Variants in ELMOD1 observed in about 807,000 individuals in gnomAD.
The protein encoded by ELMOD1 is ELMO domain-containing protein 1.
A neutral mutation model predicts 46.7 loss-of-function variants in ELMOD1; 21 were observed. That is an observed-to-expected ratio of 0.45 (90% CI 0.32 to 0.65). The LOEUF (loss-of-function observed/expected upper bound fraction) is 0.65. ELMOD1 is among the 30% of genes least tolerant of loss of function. The pLI, the probability that ELMOD1 is intolerant of heterozygous loss-of-function variation, is 0.04. For missense variants in ELMOD1, 348 were observed against 407.8 expected, an observed-to-expected ratio of 0.85 and a Z score of 1.26; for synonymous variants, 122 against 138.2, an observed-to-expected ratio of 0.88 and a Z score of 0.82.
intron 1 of ELMOD1, among the ~76,000 whole-genome samples, chr11:107,608,140 A>G (rs1865718477): frequency 6.6e-6 from 1 of 151,938 alleles, no homozygotes; most frequent in Non-Finnish European, 1.5e-5. Flanking sequence ...TACTAATTAC[A>G]GTAATTGTGT....
rs200599114 is a variant in ELMOD1 at position 107,662,890 on chromosome 11, CA to C, written c.833-2127del. ...TGGGCAACAGAGCGAGACCCTGTCT[CA>C]AAAAAAATTTTTTTTTTTGTAGAAA... On this transcript the variant is annotated intron_variant, in intron 11 of 11. Coordinates refer to ENST00000265840, the MANE Select transcript of ELMOD1 (RefSeq NM_018712.4). 4.4e-4 allele frequency among the ~76,000 whole-genome samples: 66 copies of C among 151,160 alleles called. 1 individual carries two copies. The highest frequency in any genetic ancestry group is 1.6e-3 in the African/African-American group (66 of 41,288).
At chr11:107,650,994 T>C in intron 9 of ELMOD1, 86 bp downstream of exon 9, 1 of 766,694 alleles carries the variant, frequency 1.3e-6, no homozygotes, top group Non-Finnish European at 1.8e-6. Context: ...GAACTCTGAA[T>C]TTATTTGTTT....
chr11:107,610,016 T>C (rs755542090), intron 1 of ELMOD1, among the ~76,000 whole-genome samples: 3 of 152,158 alleles, frequency 2.0e-5, no homozygotes, highest in Non-Finnish European at 4.4e-5. Context: ...AGTACTTTTC[T>C]AAAAAAGTAC....
At chr11:107,641,543 C>T (rs1201305107) in intron 6 of ELMOD1, among the ~76,000 whole-genome samples, 3 of 152,086 alleles carry the variant, frequency 2.0e-5, no homozygotes, top group Non-Finnish European at 2.9e-5. Flanking sequence ...GAAAGCTTTT[C>T]AGCTAAACTA....
chr11:107,599,755 A>AAAGAAAAAAAG (rs1865561934), intron 1 of ELMOD1, among the ~76,000 whole-genome samples: 1 of 138,892 alleles, frequency 7.2e-6, no homozygotes, highest in Non-Finnish European at 1.5e-5. Flanking sequence ...AAAAAAAGAA[A>AAAGAAAAAAAG]AAAAGAAAAG....
chr11:107,609,436 A>G (rs1310408991), intron 1 of ELMOD1, among the ~76,000 whole-genome samples: 1 of 152,220 alleles, frequency 6.6e-6, no homozygotes, highest in African/African-American at 2.4e-5. Flanking sequence ...AGCTACGCAG[A>G]AAGTAGCTTT....
At chr11:107,596,006 T>C (rs1865486766) in intron 1 of ELMOD1, among the ~76,000 whole-genome samples, 1 of 152,118 alleles carries the variant, frequency 6.6e-6, no homozygotes, top group Non-Finnish European at 1.5e-5. Context: ...GGCAAATGCC[T>C]AAGGAGAGCT....
intron 1 of ELMOD1, among the ~76,000 whole-genome samples, chr11:107,595,429 TA>T (rs985730190): frequency 6.6e-6 from 1 of 152,100 alleles, no homozygotes; most frequent in African/African-American, 2.4e-5. Flanking sequence ...TAGTATATGA[TA>T]AAAAAATATG....
chr11:107,598,600 G>A (rs1865534867), intron 1 of ELMOD1, among the ~76,000 whole-genome samples: 1 of 152,224 alleles, frequency 6.6e-6, no homozygotes, highest in South Asian at 2.1e-4. Flanking sequence ...GGAGATGAAA[G>A]TGCCAGATGG....
chr11:107,645,615 G>A (rs529098657), intron 6 of ELMOD1, among the ~76,000 whole-genome samples: 3 of 152,000 alleles, frequency 2.0e-5, no homozygotes, highest in Non-Finnish European at 2.9e-5. Flanking sequence ...ATGAGCCACC[G>A]CGCCCGGCCA....
intron 8 of ELMOD1, 53 bp downstream of exon 8, chr11:107,650,456 A>G: frequency 8.2e-7 from 1 of 1,220,790 alleles, no homozygotes; most frequent in Non-Finnish European, 1.2e-6. Flanking sequence ...GATCAAATGA[A>G]CTTCATCTCC....
At chr11:107,596,945 C>T (rs534869101) in intron 1 of ELMOD1, among the ~76,000 whole-genome samples, 10 of 152,258 alleles carry the variant, frequency 6.6e-5, no homozygotes, top group African/African-American at 1.9e-4. Flanking sequence ...CTCTAGCACA[C>T]ATTTATCAGC....
intron 6 of ELMOD1, 129 bp from the exon 7 acceptor site, chr11:107,647,339 A>G: frequency 1.6e-6 from 1 of 642,680 alleles, no homozygotes; most frequent in Non-Finnish European, 2.5e-6. Context: ...ATAGATGATC[A>G]CATCTTTAAT....
chr11:107,648,679 T>C (rs1187273493), intron 7 of ELMOD1, among the ~76,000 whole-genome samples: 1 of 152,232 alleles, frequency 6.6e-6, no homozygotes, highest in Non-Finnish European at 1.5e-5. Context: ...CTCTGAAATA[T>C]AGGCAGGACA....
At chr11:107,612,025 C>G (rs1475310302) in intron 1 of ELMOD1, among the ~76,000 whole-genome samples, 3 of 152,094 alleles carry the variant, frequency 2.0e-5, no homozygotes. Context: ...GGGTATATAT[C>G]CAAAAGAAAA....
chr11:107,640,369 T>C (rs1167953091), intron 6 of ELMOD1, among the ~76,000 whole-genome samples: 2 of 152,210 alleles, frequency 1.3e-5, no homozygotes, highest in African/African-American at 4.8e-5. Flanking sequence ...ACCATTAATA[T>C]AAATGCATAA....
At chr11:107,602,600 T>C (rs541054580) in intron 1 of ELMOD1, among the ~76,000 whole-genome samples, 1 of 152,292 alleles carries the variant, frequency 6.6e-6, no homozygotes, top group East Asian at 1.9e-4. Context: ...TCTAATTCTC[T>C]TAAAGTTCCC....
intron 6 of ELMOD1, among the ~76,000 whole-genome samples, chr11:107,644,916 TTTTGTTTTTG>T (rs1866396570): frequency 5.9e-5 from 7 of 118,300 alleles, no homozygotes; most frequent in African/African-American, 1.9e-4. Flanking sequence ...GGGTTTTTGT[TTTTGTTTTTG>T]TTTTTGTTTT....
At chr11:107,592,569 A>G (rs1865421798) in intron 1 of ELMOD1, 2 of 294,246 alleles carry the variant, frequency 6.8e-6, no homozygotes, top group South Asian at 3.5e-5. Flanking sequence ...TAGTTACAGC[A>G]GACTTAGTCA....
Sources: allele counts gnomAD v4.1 joint callset (sites outside exome capture counted in the v4.1 genomes callset), GRCh38; gene constraint gnomAD v4.1.1; transcripts MANE v1.5; gene names NCBI Gene and HGNC (gene_info 2026-07-23, HGNC 2026-07-21).